The following DENND4A variants were observed in gnomAD, a reference collection of about 807,000 sequenced individuals.
DENND4A encodes DENN domain containing 4A, also known as C-myc promoter-binding protein.
DENND4A carries 70 observed loss-of-function variants against 199.3 expected under a neutral mutation model. That is an observed-to-expected ratio of 0.35 (90% CI 0.29 to 0.43). The LOEUF (loss-of-function observed/expected upper bound fraction) is 0.43, where lower values mean the gene tolerates loss of function less well. DENND4A is among the 20% of genes least tolerant of loss of function. DENND4A has a pLI of 1.00. For missense variants in DENND4A, 1,723 were observed against 2,255.8 expected (o/e 0.76, Z 4.78); for synonymous variants, 686 against 766.9 (o/e 0.89, Z 1.74).
intron 5 of DENND4A, among the ~76,000 whole-genome samples, chr15:65,740,500 C>T (rs183804757): frequency 8.6e-4 from 129 of 149,528 alleles, no homozygotes; most frequent in African/African-American, 3.0e-3. Flanking sequence ...CCACCATGTA[C>T]TCTCGGTAGT....
Position 65,756,217 on chromosome 15 carries a change from A to T in DENND4A, c.234T>A (p.Asn78Lys). ...TCTGTGGCCCCACAAGACTTCCATT[A>T]TTAAGATCAGCTGACAATCCAGTTG... ...VTPTGLSADL[N>K]NGSLVGPQIY... Residue 78 changes from asparagine to lysine, a missense_variant, in exon 3 of 33, where the codon AAT (asparagine) becomes AAA (lysine). By Grantham distance (94) the Asn-to-Lys change is moderately conservative. Transcript: ENST00000443035. 1 of 1,612,072 alleles carries T rather than the reference A, an allele frequency of 6.2e-7. No individual in the cohort carries two copies. The highest frequency in any genetic ancestry group is 1.1e-5 in the South Asian group (1 of 90,702).
chr15:65,682,071 T>C (rs1466110656), intron 23 of DENND4A, among the ~76,000 whole-genome samples: 2 of 152,240 alleles, frequency 1.3e-5, no homozygotes, highest in Admixed American at 6.5e-5. Flanking sequence ...TAGCAAATTC[T>C]AGGATTTTCA....
At chr15:65,788,756 A>T (rs1173149453) in intron 1 of DENND4A, among the ~76,000 whole-genome samples, 1 of 151,374 alleles carries the variant, frequency 6.6e-6, no homozygotes, top group Non-Finnish European at 1.5e-5. Flanking sequence ...TTAAGAGGCC[A>T]AGGTGGGAGG....
rs780436892 is a variant in DENND4A, at chr15:65,671,808, T to C, written c.4448A>G (p.Gln1483Arg). ...AAAGTGTACCTCCATTGCATAGTTC[T>C]GGAAGATATTTGTATTACTCGCGTT... ...SFNASNTNIF[Q>R]NYAMEVLISS... is the part of the protein sequence containing the mutation. The change falls in exon 25 of 33, where the codon CAG (glutamine) becomes CGG (arginine). Residue 1483 changes from glutamine (Q) to arginine (R), a missense_variant. Coordinates refer to ENST00000443035, the MANE Select transcript of DENND4A (RefSeq NM_001320835.1). 1.1e-5 allele frequency: 17 copies of C among 1,607,902 alleles called. No homozygotes were observed. The highest frequency in any genetic ancestry group is 1.6e-4 in the Middle Eastern group (1 of 6,078).
intron 14 of DENND4A, among the ~76,000 whole-genome samples, chr15:65,706,430 TAAGAA>T (rs139525098): frequency 0.04 from 5,685 of 141,810 alleles, 163 homozygotes; most frequent in Non-Finnish European, 0.064. Flanking sequence ...ACCTTTTGAA[TAAGAA>T]AAGGGGAAAA....
Position 65,702,370 on chromosome 15 carries a change from C to T in DENND4A, c.2365G>A (p.Ala789Thr), listed in dbSNP as rs372479600. Residue 789 changes from alanine to threonine, a missense_variant, in exon 17 of 33, where the codon GCT becomes ACT. Coordinates refer to ENST00000443035, the MANE Select transcript of DENND4A (RefSeq NM_001320835.1). ...YVKVCHSKVR[A>T]LKTAYDVLKK... ...AGCACATCATATGCTGTTTTCAGAG[C>T]CCTGACTTTTGAATGACAGACTTTC... 17 of 1,555,112 alleles carry T rather than the reference C, an allele frequency of 1.1e-5. No homozygotes were observed. The highest frequency in any genetic ancestry group is 1.5e-5 in the Non-Finnish European group (17 of 1,148,942).
At chr15:65,771,943 A>T (rs145095938) in intron 1 of DENND4A, 2 of 1,597,152 alleles carry the variant, frequency 1.3e-6, no homozygotes, top group Non-Finnish European at 1.7e-6. Flanking sequence ...AGCTTTTTTC[A>T]AATCTTCATC....
At chr15:65,680,575 T>C (rs1419255791) in intron 23 of DENND4A, 1 of 152,168 alleles carries the variant, frequency 6.6e-6, no homozygotes, top group Non-Finnish European at 1.5e-5. Flanking sequence ...AAGAATGATT[T>C]TACATTGAGA....
intron 4 of DENND4A, among the ~76,000 whole-genome samples, chr15:65,745,805 C>T (rs563328209): frequency 2.6e-5 from 4 of 152,058 alleles, no homozygotes; most frequent in South Asian, 2.1e-4. Flanking sequence ...GTATAAGTTA[C>T]GGGGCTCTGT....
chr15:65,698,028 G>C (rs2077210017), intron 20 of DENND4A, among the ~76,000 whole-genome samples: 1 of 152,120 alleles, frequency 6.6e-6, no homozygotes, highest in Admixed American at 6.5e-5. Context: ...GAGGCAGGCA[G>C]ATCACTTGAG....
intron 22 of DENND4A, among the ~76,000 whole-genome samples, chr15:65,695,386 T>C (rs2077110775): frequency 6.6e-6 from 1 of 152,222 alleles, no homozygotes; most frequent in Non-Finnish European, 1.5e-5. Context: ...AAAATTTTCA[T>C]GTGTCCCACA....
At chr15:65,692,576 G>T (rs918713858) in intron 22 of DENND4A, among the ~76,000 whole-genome samples, 2 of 152,114 alleles carry the variant, frequency 1.3e-5, no homozygotes, top group African/African-American at 4.8e-5. Context: ...GATAAGAGTG[G>T]ATACTAGAGG....
At chr15:65,763,706 C>T (rs991846400) in intron 1 of DENND4A, among the ~76,000 whole-genome samples, 3 of 145,248 alleles carry the variant, frequency 2.1e-5, no homozygotes, top group East Asian at 2.0e-4. Flanking sequence ...AAAAAAAATT[C>T]GATAGTGTCT....
intron 14 of DENND4A, among the ~76,000 whole-genome samples, chr15:65,710,631 AT>A (rs952569805): frequency 6.6e-6 from 1 of 152,198 alleles, no homozygotes; most frequent in African/African-American, 2.4e-5. Context: ...TAGAGGAATT[AT>A]TTTTTAAAGC....
At chr15:65,664,945 AAT>A (rs1944535133) in intron 30 of DENND4A, 1 of 492,574 alleles carries the variant, frequency 2.0e-6, no homozygotes, top group Non-Finnish European at 3.5e-6. Flanking sequence ...AATAACTAAG[AAT>A]ATTGTTTCCC....
Position 65,696,454 on chromosome 15 carries a change from A to C in DENND4A, c.2994T>G (p.Pro998=). 6.2e-7 allele frequency: 1 copy of C among 1,612,722 alleles called. No homozygotes were observed. Among genetic ancestry groups the C allele is most frequent in the African/African-American group, 1.3e-5 (1 of 74,984 alleles). ...ESTKGSADCL[P]KLSYQNSSSI... ...TGGAAGAATTTTGATAACTGAGCTT[A>C]GGAAGGCAATCAGCACTTCCTTTTG... Residue 998 remains proline, a synonymous_variant, in exon 22 of 33, where the codon CCT becomes CCG. Transcript: ENST00000443035.
intron 23 of DENND4A, among the ~76,000 whole-genome samples, chr15:65,683,947 T>C (rs2076666668): frequency 6.6e-6 from 1 of 152,246 alleles, no homozygotes; most frequent in Admixed American, 6.5e-5. Flanking sequence ...TTGCCTTTTC[T>C]GGACATTTCA....
Position 65,756,570 on chromosome 15 carries a change from CT to C in DENND4A, c.-22-99del, listed in dbSNP as rs1200690972. 4 of 772,686 alleles carry C rather than the reference CT, an allele frequency of 5.2e-6. No homozygotes were observed. The African/African-American group carries it at 7.0e-5, about 14-fold the overall frequency. The allele number at this position is 772,686 out of a possible 1,614,324, so 47.9% of individuals were successfully genotyped here. On this transcript the variant is annotated intron_variant, in intron 2 of 32. Transcript: ENST00000443035. ...AGAACAAAAAACTACAAAAAGAGCACTAGTTCCTTGATAAACACAGTAGCAT... is the reference window on the plus strand; with the variant it reads ...AGAACAAAAAACTACAAAAAGAGCACAGTTCCTTGATAAACACAGTAGCAT...
intron 1 of DENND4A, among the ~76,000 whole-genome samples, chr15:65,762,411 C>T (rs2076873985): frequency 6.6e-6 from 1 of 152,000 alleles, no homozygotes; most frequent in African/African-American, 2.4e-5. Flanking sequence ...ATTGCTTAAG[C>T]CCAAGAGTTC....
Sources: allele counts gnomAD v4.1 joint callset (sites outside exome capture counted in the v4.1 genomes callset), GRCh38; gene constraint gnomAD v4.1.1; transcripts MANE v1.5; gene names NCBI Gene and HGNC (gene_info 2026-07-23, HGNC 2026-07-21).